Variants in LTBP4 observed in about 807,000 individuals in gnomAD.
The protein encoded by LTBP4 is latent-transforming growth factor beta-binding protein 4.
Under a neutral mutation model 180.2 loss-of-function variants are expected in LTBP4, and 93 were observed. That is an observed-to-expected ratio of 0.52 (90% CI 0.44 to 0.61). The LOEUF (loss-of-function observed/expected upper bound fraction) is 0.61. Ranked by LOEUF, LTBP4 falls within the 20% of genes least tolerant of loss-of-function variation. LTBP4 has a pLI of 0.00. For synonymous variants in LTBP4, 947 were observed against 934.5 expected (o/e 1.01, Z -0.24); for missense variants, 2,116 against 2,256.5 (o/e 0.94, Z 1.26).
At position 40,624,071 on chromosome 19, in the gene LTBP4, G is replaced by A; in HGVS notation, c.3821G>A (p.Ser1274Asn). Residue 1274 changes from serine (S) to asparagine (N), a missense_variant, in exon 26 of 30, where the codon AGC (serine) becomes AAC (asparagine). Coordinates refer to ENST00000396819, the MANE Select transcript of LTBP4 (RefSeq NM_001042545.2). ...GSQRRCVSNESQSLDDNLGVC... is the reference protein window; with the variant it reads ...GSQRRCVSNENQSLDDNLGVC... ...CAGCGCCGCTGCGTCTCCAACGAGA[G>A]CCAGAGCCTCGGTAACCCCGCCCAC... 1.3e-6 allele frequency: 2 copies of A among 1,567,810 alleles called. No individual in the cohort carries two copies. The highest frequency in any genetic ancestry group is 1.7e-6 in the Non-Finnish European group (2 of 1,153,364).
chr19:40,608,107 A>ACC (rs2081476365), intron 7 of LTBP4, 113 bp from the exon 8 acceptor site: 2 of 1,174,442 alleles, frequency 1.7e-6, no homozygotes, highest in Non-Finnish European at 2.5e-6. Flanking sequence ...TCCAGCTCAA[A>ACC]CCCCTGACAC....
intron 29 of LTBP4, 64 bp downstream of exon 29, chr19:40,627,921 G>A (rs1289155012): frequency 5.3e-6 from 8 of 1,510,354 alleles, no homozygotes; most frequent in Non-Finnish European, 7.1e-6. Flanking sequence ...GAGGGTGGAA[G>A]CCCTGACTAG....
upstream of LTBP4, chr19:40,599,975 G>T: frequency 6.8e-6 from 4 of 589,316 alleles, no homozygotes; most frequent in East Asian, 3.4e-5. Context: ...GGGCAGAGCC[G>T]CTACTGAAAG....
In LTBP4 at chr19:40,606,295, G is replaced by C. The variant is rs778937177; in HGVS notation, c.856G>C (p.Gly286Arg). The change falls in exon 5 of 30, where the codon GGG (glycine) becomes CGG (arginine). Residue 286 changes from glycine to arginine, a missense_variant. Around this residue, in one of 5 missense-constraint regions of LTBP4, gnomAD observed 469 missense variants for 532.5 expected, o/e 0.88. Coordinates refer to ENST00000396819, the MANE Select transcript of LTBP4 (RefSeq NM_001042545.2). The stretch of plus-strand genomic sequence containing the variant: ...TCCAACCGGCTTTGAAAGAGTTAAT[G>C]GGTCCTGCGAAGGTGCAACGGGGCA... ...PCPTGFERVN[G>R]SCEDVDECAT... The C allele has an allele frequency of 8.7e-6, 14 of 1,601,550 alleles. No homozygotes were observed. In the East Asian group the frequency reaches 2.7e-4, roughly 31 times the overall value.
chr19:40,599,491 T>G (rs2081408912), upstream of LTBP4: 1 of 1,613,726 alleles, frequency 6.2e-7, no homozygotes, highest in Non-Finnish European at 8.5e-7. Flanking sequence ...ACCCAGTGCC[T>G]GCAGTGCCCA....
upstream of LTBP4, chr19:40,599,796 C>G (rs2081411065): frequency 2.4e-5 from 14 of 579,766 alleles, no homozygotes; most frequent in East Asian, 3.7e-4. Context: ...TGTCTCTTTT[C>G]CTCTCTCTCT....
upstream of LTBP4, chr19:40,599,308 A>C: frequency 1.2e-6 from 2 of 1,612,220 alleles, no homozygotes; most frequent in Non-Finnish European, 1.7e-6. Context: ...ATAGGAGGAG[A>C]GGGGCAGGGA....
In LTBP4 at chr19:40,605,747, G is replaced by A. The variant is rs1276319989; in HGVS notation, c.709G>A (p.Gly237Arg). Reference sequence around the variant, plus strand: ...CCCGCAGTGCGCGTCCCCGCTGCCCGGGCTCCGGACGCAGGAGGTCTGCTG... The same window carrying A: ...CCCGCAGTGCGCGTCCCCGCTGCCCAGGCTCCGGACGCAGGAGGTCTGCTG... ...RGGECASPLPGLRTQEVCCRG... is the reference protein window; with the variant it reads ...RGGECASPLPRLRTQEVCCRG... Residue 237 changes from glycine to arginine, a missense_variant, in exon 4 of 30, where the codon GGG (glycine) becomes AGG (arginine). Physicochemically the swap from Gly to Arg is moderately radical, Grantham distance 125 (BLOSUM62 -2). Transcript: ENST00000396819. The surrounding 1 kb of genome is among the most constrained non-coding windows in gnomAD (Gnocchi z 5.5). 6.5e-7 allele frequency: 1 copy of A among 1,545,064 alleles called. No individual in the cohort carries two copies. The highest frequency in any genetic ancestry group is 2.0e-5 in the Admixed American group (1 of 50,972).
intron 1 of LTBP4, among the ~76,000 whole-genome samples, chr19:40,602,847 A>G (rs1030786180): frequency 6.6e-6 from 1 of 152,192 alleles, no homozygotes; most frequent in Non-Finnish European, 1.5e-5. Context: ...AAGAGAAGGC[A>G]GAGAAATGCC....
rs770417480 is a variant in LTBP4, at chr19:40,613,044, G to C, written c.2300-21G>C. The C allele has an allele frequency of 6.2e-7, 1 of 1,609,910 alleles. No homozygotes were observed. Among genetic ancestry groups the C allele is most frequent in the East Asian group, 2.2e-5 (1 of 44,702 alleles). On this transcript the variant is annotated intron_variant, in intron 15 of 29. Coordinates refer to ENST00000396819, the MANE Select transcript of LTBP4 (RefSeq NM_001042545.2). The surrounding 1 kb of genome is among the most constrained non-coding windows in gnomAD (Gnocchi z 5.0). ...TGTGTCCCGAGACTGGACCCTTTCT[G>C]AACACCCCCACCCCCCACAGATGTG...
intron 19 of LTBP4, among the ~76,000 whole-genome samples, chr19:40,615,076 T>C (rs1286148653): frequency 1.3e-5 from 2 of 151,984 alleles, no homozygotes; most frequent in Non-Finnish European, 2.9e-5. Flanking sequence ...CCCCTTGCCT[T>C]TTCTTACTTT....
At chr19:40,620,172 A>C (rs1348668992) in intron 22 of LTBP4, among the ~76,000 whole-genome samples, 1 of 150,962 alleles carries the variant, frequency 6.6e-6, no homozygotes, top group Non-Finnish European at 1.5e-5. Context: ...GATCACACTG[A>C]CTTATCACAG....
chr19:40,601,113 C>G (rs1168351867), upstream of LTBP4, among the ~76,000 whole-genome samples: 1 of 152,168 alleles, frequency 6.6e-6, no homozygotes, highest in Non-Finnish European at 1.5e-5. Context: ...GTTCCCTTCC[C>G]CGCCGCTCCC....
intron 19 of LTBP4, 110 bp downstream of exon 19, chr19:40,614,556 A>G: frequency 7.4e-7 from 1 of 1,345,248 alleles, no homozygotes; most frequent in Non-Finnish European, 1.0e-6. Context: ...GCGGAGGGAA[A>G]GAACACCCTC....
intron 27 of LTBP4, among the ~76,000 whole-genome samples, chr19:40,626,490 A>G (rs2081634756): frequency 6.6e-6 from 1 of 151,972 alleles, no homozygotes; most frequent in Admixed American, 6.6e-5. Context: ...TAAGACCCCA[A>G]CACACAGCCC....
At chr19:40,607,559 C>A (rs762279242) in intron 7 of LTBP4, 30 bp downstream of exon 7, 2 of 1,577,130 alleles carry the variant, frequency 1.3e-6, no homozygotes, top group South Asian at 1.1e-5. Flanking sequence ...CCTAGCCCTA[C>A]GCGCAACACA....
rs372391793 is a variant in LTBP4, at chr19:40,627,160, C to T, written c.4171C>T (p.Pro1391Ser). The change falls in exon 28 of 30, where the codon CCC becomes TCC. Residue 1391 changes from proline to serine, a missense_variant. Physicochemically the swap from Pro to Ser is moderately conservative, Grantham distance 74. Transcript: ENST00000396819. ...CGACCCCTACCCACCGCCACCTGGG[C>T]CCTTCGCCCGCCGGGAGGCTCCTTA... ...PYDPYPPPPGPFARREAPYGA... is the reference protein window; with the variant it reads ...PYDPYPPPPGSFARREAPYGA... 19 of 1,612,300 alleles carry T rather than the reference C, an allele frequency of 1.2e-5. No individual in the cohort carries two copies. The highest frequency in any genetic ancestry group is 2.7e-5 in the African/African-American group (2 of 74,904).
intron 12 of LTBP4, 134 bp downstream of exon 12, chr19:40,610,791 T>G: frequency 7.6e-7 from 1 of 1,307,706 alleles, no homozygotes; most frequent in Middle Eastern, 2.0e-4. Context: ...CGAGCAGACG[T>G]GTGGCCTGAT....
rs2081506934 is a variant in LTBP4 at position 40,611,613 on chromosome 19, AC to A, written c.2053+222del. The stretch of plus-strand genomic sequence containing the variant: ...GAAAGATACTCTTGTGCTTATGGGA[AC>A]CCTGAGGAGGGGGTCACCTGAGGCA... On this transcript the variant is annotated intron_variant, in intron 13 of 29. Coordinates refer to ENST00000396819, the MANE Select transcript of LTBP4 (RefSeq NM_001042545.2). The surrounding 1 kb of genome is among the most constrained non-coding windows in gnomAD (Gnocchi z 4.4). Among the ~76,000 whole-genome samples the A allele has an allele frequency of 1.3e-5, 2 of 152,066 alleles. No individual in the cohort carries two copies. The highest frequency in any genetic ancestry group is 2.4e-5 in the African/African-American group (1 of 41,402).
Sources: gnomAD v4.1 joint callset for allele counts (sites outside exome capture counted in the v4.1 genomes callset) on GRCh38, gnomAD v4.1.1 for gene constraint, gnomAD v4.1.1 regional missense constraint, Gnocchi (gnomAD v3.1) non-coding constraint, MANE v1.5 for transcripts, NCBI Gene and HGNC (gene_info 2026-07-23, HGNC 2026-07-21) for gene names.